The following SERPINB4 variants were observed in gnomAD, a reference collection of about 807,000 sequenced individuals.
SERPINB4 encodes the protein serpin family B member 4, also known as serpin B4.
A neutral mutation model predicts 33.2 loss-of-function variants in SERPINB4; 39 were observed. The observed-to-expected ratio is 1.18, with a 90% CI of 0.91 to 1.53. The LOEUF (loss-of-function observed/expected upper bound fraction) is 1.53, where lower values mean the gene tolerates loss of function less well. Ranked by LOEUF, SERPINB4 falls within the 40% of genes most tolerant of loss-of-function variation. The pLI is 0.00. For missense variants in SERPINB4, 564 were observed against 455.4 expected (o/e 1.24, Z -2.17); for synonymous variants, 191 against 166.4 (o/e 1.15, Z -1.14).
chr18:63,642,781 G>C (rs1486852718), intron 3 of SERPINB4: 1 of 184,654 alleles, frequency 5.4e-6, no homozygotes, highest in Non-Finnish European at 1.1e-5. Context: ...GCAAGGCACT[G>C]TTGTAAACAT....
chr18:63,643,115 A>C, intron 3 of SERPINB4, 46 bp downstream of exon 3: 1 of 1,610,554 alleles, frequency 6.2e-7, no homozygotes, highest in Non-Finnish European at 8.5e-7. Context: ...TTAAACTATG[A>C]CCTGTTCAGG....
chr18:63,639,862 G>A (rs1221039969), intron 5 of SERPINB4, 86 bp from the exon 6 acceptor site: 14 of 1,248,922 alleles, frequency 1.1e-5, no homozygotes, highest in Admixed American at 6.1e-5. Context: ...GTGACTGATC[G>A]TTAATTATTG....
At chr18:63,638,551 A>C (rs1003145621) in intron 7 of SERPINB4, among the ~76,000 whole-genome samples, 9 of 151,978 alleles carry the variant, frequency 5.9e-5, no homozygotes, top group African/African-American at 1.9e-4. Flanking sequence ...TGCAATTATT[A>C]AATTGTAATT....
intron 5 of SERPINB4, 109 bp downstream of exon 5, chr18:63,640,765 C>T (rs1370087106): frequency 3.5e-5 from 31 of 895,464 alleles, no homozygotes; most frequent in Middle Eastern, 7.1e-4. Context: ...TTCAGCCCTC[C>T]CTGCAAACCC....
Position 63,637,681 on chromosome 18 carries a change from G to C in SERPINB4, c.*38C>G, listed in dbSNP as rs1427675398. ...AATCAGTTTACCAGAACACCTCTAG[G>C]TGAACATTTTCTAAATGGAGTGACA... is the stretch of plus-strand genomic sequence containing the variant. On this transcript the variant is annotated 3_prime_UTR_variant, in exon 8 of 8. Transcript: ENST00000341074. 6.4e-7 allele frequency: 1 copy of C among 1,555,972 alleles called. No homozygotes were observed.
rs1380995502 is a variant in SERPINB4 at position 63,643,224 on chromosome 18, G to A, written c.166-7C>T. 1.9e-6 allele frequency: 3 copies of A among 1,613,372 alleles called. No individual in the cohort carries two copies. The Admixed American group carries it at 5.0e-5, about 27-fold the overall frequency. On this transcript the variant is annotated splice_region_variant and splice_polypyrimidine_tract_variant and intron_variant, in intron 2 of 7. Coordinates refer to ENST00000341074, the MANE Select transcript of SERPINB4 (RefSeq NM_002974.4). Reference sequence around the variant, plus strand: ...CTTGATCAAAGTGAAGAACCTGGAAGAGACATGAAGCGGGACAAGAAAACT... The same window carrying A: ...CTTGATCAAAGTGAAGAACCTGGAAAAGACATGAAGCGGGACAAGAAAACT...
chr18:63,641,485 C>G (rs1370232504), intron 4 of SERPINB4, among the ~76,000 whole-genome samples: 1 of 152,058 alleles, frequency 6.6e-6, no homozygotes, highest in African/African-American at 2.4e-5. Flanking sequence ...GCCAGTTTAT[C>G]GATGGTATCT....
rs56106233 is a variant in SERPINB4, at chr18:63,641,624, T to C, written c.351+136A>G. 14,948 of 1,297,302 alleles carry C rather than the reference T, an allele frequency of 0.012. 1,022 individuals are homozygous for C. The African/African-American group carries it at 0.17, about 15-fold the overall frequency. 80.4% of individuals were successfully genotyped at this position (1,297,302 alleles called of 1,614,324 possible). ...CTCCAGTGGGGGAGAGTTGTGGAAA[T>C]GGAGCTAATGCACTCTGAGTAAATG... On this transcript the variant is annotated intron_variant, in intron 4 of 7. Coordinates refer to ENST00000341074, the MANE Select transcript of SERPINB4 (RefSeq NM_002974.4).
In SERPINB4 at chr18:63,641,924, G is replaced by T. The variant is rs530462490; in HGVS notation, c.223-36C>A. 7 of 1,610,422 alleles carry T rather than the reference G, an allele frequency of 4.3e-6. No homozygotes were observed. The South Asian group carries it at 6.6e-5, about 15-fold the overall frequency. On this transcript the variant is annotated intron_variant, in intron 3 of 7. Coordinates refer to ENST00000341074, the MANE Select transcript of SERPINB4 (RefSeq NM_002974.4). ...CAAAAAGGGAGATCATTCAATTGCT[G>T]TATCAATGTAAATACTAAACCCATG...
In SERPINB4 at chr18:63,639,263, C is replaced by A. The variant is rs1207239535; in HGVS notation, c.690G>T (p.Lys230Asn). The A allele has an allele frequency of 1.2e-6, 2 of 1,612,590 alleles. No homozygotes were observed. The highest frequency in any genetic ancestry group is 1.7e-5 in the Admixed American group (1 of 59,848). The change falls in exon 7 of 8, where the codon AAG becomes AAT. Residue 230 changes from lysine to asparagine, a missense_variant. Coordinates refer to ENST00000341074, the MANE Select transcript of SERPINB4 (RefSeq NM_002974.4). ...TGCCTTTGTATGGTATTTCCAGGAC[C>A]TTGGCCTGTACATCCTCCAGCAAGG... is the stretch of plus-strand genomic sequence containing the variant. ...NFALLEDVQA[K>N]VLEIPYKGKD...
rs747099455 is a variant in SERPINB4, at chr18:63,638,070, A to G, written c.822T>C (p.Asn274=). ...GTAAATCGACACATGTCTCTCTCAT[A>G]TTCTGCAAACTTGTCCATTCCATCA... ...EKLMEWTSLQ[N]MRETCVDLHL... is the part of the protein sequence containing the mutation. The change falls in exon 8 of 8, where the codon AAT becomes AAC. Residue 274 remains asparagine (N), a synonymous_variant. Coordinates refer to ENST00000341074, the MANE Select transcript of SERPINB4 (RefSeq NM_002974.4). The G allele has an allele frequency of 6.2e-7, 1 of 1,613,478 alleles. No homozygotes were observed. The highest frequency in any genetic ancestry group is 8.5e-7 in the Non-Finnish European group (1 of 1,179,674).
intron 5 of SERPINB4, 23 bp downstream of exon 5, chr18:63,640,851 T>G: frequency 6.3e-7 from 1 of 1,592,124 alleles, no homozygotes. Flanking sequence ...CAAAGGTGTT[T>G]CTATAATGGG....
intron 4 of SERPINB4, among the ~76,000 whole-genome samples, chr18:63,641,437 A>G (rs1182764092): frequency 6.6e-6 from 1 of 152,032 alleles, no homozygotes; most frequent in African/African-American, 2.4e-5. Context: ...TTAGTCATAC[A>G]TTTCCCACCA....
At position 63,638,004 on chromosome 18, in the gene SERPINB4, C is replaced by T. The variant is rs1241467665; in HGVS notation, c.888G>A (p.Lys296=). 1.9e-6 allele frequency: 3 copies of T among 1,613,496 alleles called. No individual in the cohort carries two copies. The highest frequency in any genetic ancestry group is 2.7e-5 in the African/African-American group (2 of 74,856). Residue 296 remains lysine (K), a synonymous_variant, in exon 8 of 8, where the codon AAG becomes AAA. Transcript: ENST00000341074. ...RFKMEESYDL[K]DTLRTMGMVN... ...CCATTCCCATGGTTCTCAACGTGTCCTTGAGGTCATAGCTCTCTTCCATTT... is the reference window on the plus strand; with the variant it reads ...CCATTCCCATGGTTCTCAACGTGTCTTTGAGGTCATAGCTCTCTTCCATTT...
At position 63,637,429 on chromosome 18, in the gene SERPINB4, G is replaced by T. The variant is rs1015501851; in HGVS notation, c.*290C>A. 3.6e-5 allele frequency: 10 copies of T among 279,518 alleles called. No individual in the cohort carries two copies. Among genetic ancestry groups the T allele is most frequent in the Admixed American group, 9.5e-5 (2 of 21,028 alleles). 17.3% of individuals were successfully genotyped at this position (279,518 alleles called of 1,614,324 possible). A position where few individuals can be genotyped will look rare whatever the true frequency, so the allele number is the denominator to read the frequency against. Reference sequence around the variant, plus strand: ...GTTCATTTAAAACAGGTCAGAAACAGAATTATATTTCAAATTTAGAAGACA... The same window carrying T: ...GTTCATTTAAAACAGGTCAGAAACATAATTATATTTCAAATTTAGAAGACA... On this transcript the variant is annotated 3_prime_UTR_variant, in exon 8 of 8. Coordinates refer to ENST00000341074, the MANE Select transcript of SERPINB4 (RefSeq NM_002974.4).
In SERPINB4 at chr18:63,643,067, A is replaced by G. The variant is rs191963691; in HGVS notation, c.222+94T>C. ...AATCTTTGTGTCCAAGATTTTCCCTAAAACTGGCCTTTTCTTAGTTTTTGT... is the reference window on the plus strand; with the variant it reads ...AATCTTTGTGTCCAAGATTTTCCCTGAAACTGGCCTTTTCTTAGTTTTTGT... On this transcript the variant is annotated intron_variant, in intron 3 of 7. Coordinates refer to ENST00000341074, the MANE Select transcript of SERPINB4 (RefSeq NM_002974.4). 2.3e-4 allele frequency: 343 copies of G among 1,514,676 alleles called. 1 individual carries two copies. In the African/African-American group the frequency reaches 3.7e-3, roughly 16 times the overall value. 93.8% of individuals were successfully genotyped at this position (1,514,676 alleles called of 1,614,324 possible).
chr18:63,643,587 G>A lies in SERPINB4; in HGVS notation c.-10C>T, dbSNP rs201521143. 4,074 of 1,612,968 alleles carry A rather than the reference G, an allele frequency of 2.5e-3. 10 individuals are homozygous for A. The highest frequency in any genetic ancestry group is 5.3e-3 in the Middle Eastern group (32 of 6,048). On this transcript the variant is annotated 5_prime_UTR_variant, in exon 2 of 8. Transcript: ENST00000341074. ...CACTGAGTGAATTCATGGTGAACTCGATGTGATCTGGAACTCCTGGAAAAG... is the reference window on the plus strand; with the variant it reads ...CACTGAGTGAATTCATGGTGAACTCAATGTGATCTGGAACTCCTGGAAAAG...
chr18:63,640,786 C>T, intron 5 of SERPINB4, 88 bp downstream of exon 5: 4 of 1,141,818 alleles, frequency 3.5e-6, no homozygotes, highest in Non-Finnish European at 1.3e-6. Context: ...ATCTCAATCC[C>T]CACACCTGTT....
chr18:63,642,347 G>A lies in SERPINB4; in HGVS notation c.223-459C>T, dbSNP rs547873318. Among the ~76,000 whole-genome samples, 42 of 152,218 alleles carry A rather than the reference G, an allele frequency of 2.8e-4. No homozygotes were observed. In the South Asian group the frequency reaches 8.7e-3, roughly 32 times the overall value. On this transcript the variant is annotated intron_variant, in intron 3 of 7. Coordinates refer to ENST00000341074, the MANE Select transcript of SERPINB4 (RefSeq NM_002974.4). ...TATTATCTTGTAGGACACATTGACTGATCTGTGGCTCTTTCCTCATGATGG... is the reference window on the plus strand; with the variant it reads ...TATTATCTTGTAGGACACATTGACTAATCTGTGGCTCTTTCCTCATGATGG...
Sources: gnomAD v4.1 joint callset for allele counts (sites outside exome capture counted in the v4.1 genomes callset) on GRCh38, gnomAD v4.1.1 for gene constraint, MANE v1.5 for transcripts, NCBI Gene and HGNC (gene_info 2026-07-23, HGNC 2026-07-21) for gene names.